The following TMEM135 variants were observed in gnomAD, a reference collection of about 807,000 sequenced individuals.
TMEM135 encodes the protein peroxisomal membrane protein 52.
In TMEM135, 30 loss-of-function variants were observed where a neutral mutation model predicts 60.3. The ratio of observed to expected loss-of-function variants is 0.50; its 90% CI spans 0.37 to 0.68. The LOEUF (loss-of-function observed/expected upper bound fraction) is 0.68. TMEM135 is among the 30% of genes least tolerant of loss of function. The pLI, the probability that TMEM135 is intolerant of heterozygous loss-of-function variation, is 0.00. For synonymous variants in TMEM135, 190 were observed against 186.7 expected (o/e 1.02, Z -0.14); for missense variants, 468 against 548.8 (o/e 0.85, Z 1.47).
intron 5 of TMEM135, among the ~76,000 whole-genome samples, chr11:87,231,966 T>C (rs1940898399): frequency 1.3e-5 from 2 of 151,950 alleles, no homozygotes; most frequent in African/African-American, 4.8e-5. Flanking sequence ...TTTTTTTTTT[T>C]TTTGAGACAG....
chr11:87,291,322 C>A (rs1310108977), intron 6 of TMEM135, among the ~76,000 whole-genome samples: 1 of 152,050 alleles, frequency 6.6e-6, no homozygotes, highest in Admixed American at 6.6e-5. Flanking sequence ...TTTGATCAAA[C>A]CAAAAATTAT....
chr11:87,273,689 A>C (rs1941913966), intron 6 of TMEM135, among the ~76,000 whole-genome samples: 1 of 152,184 alleles, frequency 6.6e-6, no homozygotes, highest in Non-Finnish European at 1.5e-5. Context: ...ACTGAACTAC[A>C]CTGAATATAT....
intron 4 of TMEM135, among the ~76,000 whole-genome samples, chr11:87,150,659 T>C (rs1938535643): frequency 6.6e-6 from 1 of 152,240 alleles, no homozygotes; most frequent in Non-Finnish European, 1.5e-5. Context: ...TTAGTTTCTT[T>C]GTACCTATTA....
Position 87,328,487 on chromosome 11 carries a change from T to C in TMEM135, c.*7154T>C. On this transcript the variant is annotated 3_prime_UTR_variant, in exon 15 of 15. Transcript: ENST00000305494. The stretch of plus-strand genomic sequence containing the variant: ...AATAGTGTGCATTGTACCCAATATA[T>C]AGCTTTTTATTCCTTCCCCTTCTGA... 1 of 454,078 alleles carries C rather than the reference T, an allele frequency of 2.2e-6. No homozygotes were observed. The highest frequency in any genetic ancestry group is 1.6e-5 in the South Asian group (1 of 64,478). 28.1% of individuals were successfully genotyped at this position (454,078 alleles called of 1,614,324 possible).
At chr11:87,307,073 T>G (rs1376865166) in intron 9 of TMEM135, among the ~76,000 whole-genome samples, 1 of 152,172 alleles carries the variant, frequency 6.6e-6, no homozygotes, top group African/African-American at 2.4e-5. Context: ...AGAAAGTTTA[T>G]GTTCTTCTTG....
At chr11:87,227,583 G>A (rs1428055987) in intron 5 of TMEM135, among the ~76,000 whole-genome samples, 2 of 152,054 alleles carry the variant, frequency 1.3e-5, no homozygotes, top group East Asian at 3.9e-4. Flanking sequence ...GTATATTATG[G>A]GAGATTTTAA....
At chr11:87,191,987 C>CTTTTTTTTTTTTTTTTTTTTTTTTTTT (rs200969171) in intron 5 of TMEM135, among the ~76,000 whole-genome samples, 4 of 77,180 alleles carry the variant, frequency 5.2e-5, no homozygotes, top group Non-Finnish European at 6.9e-5. Flanking sequence ...CTTTTCTTTT[C>CTTTTTTTTTTTTTTTTTTTTTTTTTTT]TTTTTTTTTT....
At chr11:87,264,307 C>CTTTTTTTTTTTTTTTTTTT (rs145849024) in intron 6 of TMEM135, among the ~76,000 whole-genome samples, 1 of 146,648 alleles carries the variant, frequency 6.8e-6, no homozygotes, top group Non-Finnish European at 1.5e-5. Context: ...TGTTCTTTTT[C>CTTTTTTTTTTTTTTTTTTT]TTTTCTTTTT....
At chr11:87,314,863 C>T (rs1291369693) in intron 12 of TMEM135, among the ~76,000 whole-genome samples, 1 of 151,770 alleles carries the variant, frequency 6.6e-6, no homozygotes, top group Non-Finnish European at 1.5e-5. Flanking sequence ...CAATCCCAGA[C>T]ACTATATAAT....
At chr11:87,175,723 A>G (rs1251553294) in intron 5 of TMEM135, among the ~76,000 whole-genome samples, 1 of 152,150 alleles carries the variant, frequency 6.6e-6, no homozygotes, top group Non-Finnish European at 1.5e-5. Context: ...GAAAGCAATT[A>G]TTTCCACATG....
chr11:87,250,017 G>C (rs191161697), intron 6 of TMEM135, among the ~76,000 whole-genome samples: 1 of 152,070 alleles, frequency 6.6e-6, no homozygotes, highest in East Asian at 1.9e-4. Flanking sequence ...AATTCTTCAT[G>C]GTTCAATTTT....
At chr11:87,094,866 TA>T in intron 4 of TMEM135, 1 of 162,412 alleles carries the variant, frequency 6.2e-6, no homozygotes, top group South Asian at 1.8e-4. Context: ...AAAGATGGTA[TA>T]ATCCATTCTT....
chr11:87,055,778 T>TG (rs996255045), intron 1 of TMEM135, among the ~76,000 whole-genome samples: 1 of 152,040 alleles, frequency 6.6e-6, no homozygotes. Flanking sequence ...TTAGTAGAGT[T>TG]GGGGTTTCAC....
Position 87,046,572 on chromosome 11 carries a change from T to C in TMEM135, c.141+8386T>C, listed in dbSNP as rs141984621. Among the ~76,000 whole-genome samples the C allele has an allele frequency of 1.2e-3, 186 of 152,330 alleles. 1 individual carries two copies. Among genetic ancestry groups the C allele is most frequent in the African/African-American group, 4.3e-3 (179 of 41,574 alleles). ...GCTTGCTTTGGGACATACTGAGTTTTAATTACCAGTGCGGTATGTAAGTGG... is the reference window on the plus strand; with the variant it reads ...GCTTGCTTTGGGACATACTGAGTTTCAATTACCAGTGCGGTATGTAAGTGG... On this transcript the variant is annotated intron_variant, in intron 1 of 14. Coordinates refer to ENST00000305494, the MANE Select transcript of TMEM135 (RefSeq NM_022918.4).
chr11:87,056,024 G>A (rs796455526), intron 1 of TMEM135, among the ~76,000 whole-genome samples: 1 of 152,120 alleles, frequency 6.6e-6, no homozygotes, highest in Admixed American at 6.6e-5. Flanking sequence ...AGGGGAACGC[G>A]TCCACCCTAG....
intron 5 of TMEM135, among the ~76,000 whole-genome samples, chr11:87,204,631 G>T (rs1393369044): frequency 6.6e-6 from 1 of 152,122 alleles, no homozygotes; most frequent in Non-Finnish European, 1.5e-5. Context: ...ATGTTATTAA[G>T]AAACTCATAA....
At chr11:87,051,086 G>A (rs1949837799) in intron 1 of TMEM135, among the ~76,000 whole-genome samples, 1 of 90,160 alleles carries the variant, frequency 1.1e-5, no homozygotes, top group Non-Finnish European at 1.9e-5. Flanking sequence ...CTCAATAGAT[G>A]CAGAAAAAAC....
At chr11:87,157,435 A>C in intron 5 of TMEM135, 29 bp downstream of exon 5, 1 of 1,584,506 alleles carries the variant, frequency 6.3e-7, no homozygotes, top group Non-Finnish European at 8.7e-7. Flanking sequence ...TATAGTTATT[A>C]GTTGTTAATT....
At position 87,232,055 on chromosome 11, in the gene TMEM135, A is replaced by T. The variant is rs1188388517; in HGVS notation, c.463-4583A>T. ...AACCTCTGTTTCCTGGGTTCAAGCA[A>T]TTGTCATGTCTCAGTCTCCCAAGTA... On this transcript the variant is annotated intron_variant, in intron 5 of 14. Coordinates refer to ENST00000305494, the MANE Select transcript of TMEM135 (RefSeq NM_022918.4). Among the ~76,000 whole-genome samples, 5 of 151,854 alleles carry T rather than the reference A, an allele frequency of 3.3e-5. 1 individual carries two copies. Among genetic ancestry groups the T allele is most frequent in the Admixed American group, 2.0e-4 (3 of 15,258 alleles).
Sources: gnomAD v4.1 joint callset for allele counts (sites outside exome capture counted in the v4.1 genomes callset) on GRCh38, gnomAD v4.1.1 for gene constraint, MANE v1.5 for transcripts, NCBI Gene and HGNC (gene_info 2026-07-23, HGNC 2026-07-21) for gene names.